The following IQGAP2 variants were observed in gnomAD, a reference collection of about 807,000 sequenced individuals.
IQGAP2 encodes IQ motif containing GTPase activating protein 2.
In IQGAP2, 173 loss-of-function variants were observed where a neutral mutation model predicts 201.3. The observed-to-expected ratio is 0.86, with a 90% CI of 0.76 to 0.98. The LOEUF (loss-of-function observed/expected upper bound fraction) is 0.98. Ranked by LOEUF, IQGAP2 falls within the 50% of genes least tolerant of loss-of-function variation. The pLI is 0.00. For missense variants in IQGAP2, 1,687 were observed against 1,864.8 expected (o/e 0.90, Z 1.76); for synonymous variants, 675 against 673.9 (o/e 1.00, Z -0.03).
At chr5:76,433,087 AAGAATTGTGGGGTACCTGGG>A (rs1752466059) in intron 1 of IQGAP2, among the ~76,000 whole-genome samples, 1 of 152,204 alleles carries the variant, frequency 6.6e-6, no homozygotes, top group South Asian at 2.1e-4. Flanking sequence ...GGAAACTAGC[AAGAATTGTGGGGTACCTGGG>A]AGGTACCCCA....
chr5:76,658,735 C>T (rs1468758027), intron 21 of IQGAP2, 68 bp downstream of exon 21: 14 of 1,307,372 alleles, frequency 1.1e-5, no homozygotes, highest in Middle Eastern at 4.2e-4. Flanking sequence ...TCAAGAGTCA[C>T]TTAATGACAG....
chr5:76,637,243 TGAATCATG>T, intron 16 of IQGAP2, 67 bp downstream of exon 16: 1 of 1,295,374 alleles, frequency 7.7e-7, no homozygotes, highest in South Asian at 1.5e-5. Flanking sequence ...TTTCTATTTC[TGAATCATG>T]GAAGTGATGA....
At chr5:76,538,095 G>A (rs1043533567) in intron 2 of IQGAP2, among the ~76,000 whole-genome samples, 1 of 152,184 alleles carries the variant, frequency 6.6e-6, no homozygotes, top group Non-Finnish European at 1.5e-5. Context: ...GGCTAGGAAG[G>A]CCTCACAATC....
intron 2 of IQGAP2, among the ~76,000 whole-genome samples, chr5:76,504,738 A>G (rs927946312): frequency 6.6e-6 from 1 of 152,194 alleles, no homozygotes; most frequent in Non-Finnish European, 1.5e-5. Context: ...CGTCCTTATC[A>G]TGTGAAGGAC....
Position 76,665,143 on chromosome 5 carries a change from GAAAC to G in IQGAP2, c.2649_2652del (p.Glu883AspfsTer19), listed in dbSNP as rs1743638173. 6.2e-7 allele frequency: 1 copy of G among 1,613,660 alleles called. No individual in the cohort carries two copies. Among genetic ancestry groups the G allele is most frequent in the East Asian group, 2.2e-5 (1 of 44,836 alleles). ...GAGTAAGGAGAGGAGAAAAACACTA[GAAAC>G]ATATCAGCAGCTGTTTTACCTTTTA... On this transcript the variant is annotated frameshift_variant, in exon 22 of 36. Transcript: ENST00000274364. LOFTEE classifies it high-confidence loss of function.
chr5:76,681,089 C>CAAA lies in IQGAP2; in HGVS notation c.3661-2001_3661-1999dup, dbSNP rs34896356. 7.4e-4 allele frequency among the ~76,000 whole-genome samples: 39 copies of CAAA among 52,974 alleles called. 1 individual carries two copies. The highest frequency in any genetic ancestry group is 2.8e-3 in the African/African-American group (35 of 12,298). 34.8% of individuals were successfully genotyped at this position (52,974 alleles called of 152,430 possible). A position where few individuals can be genotyped will look rare whatever the true frequency, so the allele number is the denominator to read the frequency against. Reference sequence around the variant, plus strand: ...TGGGCAGCAGAGCGAGACTTTGTCTCAAAAAAAAAAAAAAAAAAAAAAAAA... The same window carrying CAAA: ...TGGGCAGCAGAGCGAGACTTTGTCTCAAAAAAAAAAAAAAAAAAAAAAAAAAAA... On this transcript the variant is annotated intron_variant, in intron 28 of 35. Transcript: ENST00000274364.
At chr5:76,644,867 A>G (rs2150411046) in intron 17 of IQGAP2, among the ~76,000 whole-genome samples, 1 of 152,318 alleles carries the variant, frequency 6.6e-6, no homozygotes, top group East Asian at 1.9e-4. Flanking sequence ...TTTTATTATT[A>G]TGCTTTAAGT....
intron 2 of IQGAP2, among the ~76,000 whole-genome samples, chr5:76,462,329 G>C (rs1754508040): frequency 6.6e-6 from 1 of 152,214 alleles, no homozygotes; most frequent in South Asian, 2.1e-4. Context: ...GTTTATGACA[G>C]CAATCTCCTC....
intron 2 of IQGAP2, among the ~76,000 whole-genome samples, chr5:76,471,719 AGAGAATCTTCTGACTG>A: frequency 6.8e-6 from 1 of 148,010 alleles, no homozygotes; most frequent in Admixed American, 6.7e-5. Context: ...AAAAAAAAAA[AGAGAATCTTCTGACTG>A]GGGAATACTT....
chr5:76,617,604 G>C (rs755613069), intron 13 of IQGAP2: 1 of 1,612,654 alleles, frequency 6.2e-7, no homozygotes, highest in African/African-American at 1.3e-5. Context: ...GTAAGCAGTG[G>C]AGTGATTTCT....
At position 76,661,801 on chromosome 5, in the gene IQGAP2, C is replaced by T. The variant is rs6888683; in HGVS notation, c.2529+3134C>T. ...CTGCAGATACCCATATCTTTTATGA[C>T]TCCAAAGCCCAAGCCCAAGCCCTTC... is the stretch of plus-strand genomic sequence containing the variant. On this transcript the variant is annotated intron_variant, in intron 21 of 35. Transcript: ENST00000274364. Among the ~76,000 whole-genome samples the T allele has an allele frequency of 8.3e-3, 1,270 of 152,272 alleles. 11 individuals carry two copies. The highest frequency in any genetic ancestry group is 0.028 in the African/African-American group (1,174 of 41,542).
chr5:76,532,523 G>A (rs1759372045), intron 2 of IQGAP2, among the ~76,000 whole-genome samples: 1 of 152,126 alleles, frequency 6.6e-6, no homozygotes, highest in Non-Finnish European at 1.5e-5. Context: ...CTTTGCATAT[G>A]ATATGGTGGT....
chr5:76,660,267 A>T (rs1425075854), intron 21 of IQGAP2: 1 of 152,232 alleles, frequency 6.6e-6, no homozygotes, highest in Non-Finnish European at 1.5e-5. Context: ...ACAGCATTTT[A>T]TAAACAGAAA....
chr5:76,694,831 T>G (rs1466057788), intron 31 of IQGAP2, among the ~76,000 whole-genome samples: 1 of 152,236 alleles, frequency 6.6e-6, no homozygotes, highest in Non-Finnish European at 1.5e-5. Flanking sequence ...TGTTACTGTT[T>G]CCTTGAACAG....
chr5:76,601,534 G>A (rs78062727), intron 11 of IQGAP2, among the ~76,000 whole-genome samples: 4,325 of 152,308 alleles, frequency 0.028, 190 homozygotes, highest in African/African-American at 0.098. Flanking sequence ...TGATAGCATT[G>A]TTATAAAACA....
intron 2 of IQGAP2, among the ~76,000 whole-genome samples, chr5:76,478,323 C>T (rs1161314657): frequency 6.6e-6 from 1 of 152,132 alleles, no homozygotes; most frequent in Non-Finnish European, 1.5e-5. Context: ...ATCACTTGAA[C>T]CCAGGAGGTG....
intron 5 of IQGAP2, among the ~76,000 whole-genome samples, chr5:76,581,613 C>T (rs1430914080): frequency 6.6e-6 from 1 of 152,220 alleles, no homozygotes; most frequent in Non-Finnish European, 1.5e-5. Context: ...CTATGAACCA[C>T]ATCTTGTTAC....
chr5:76,594,332 A>G (rs1746863729), intron 9 of IQGAP2, among the ~76,000 whole-genome samples: 1 of 152,204 alleles, frequency 6.6e-6, no homozygotes, highest in Non-Finnish European at 1.5e-5. Flanking sequence ...TATAACCATG[A>G]AAACAGTTTT....
intron 15 of IQGAP2, among the ~76,000 whole-genome samples, chr5:76,635,517 A>G (rs1751052994): frequency 6.6e-6 from 1 of 152,122 alleles, no homozygotes; most frequent in Non-Finnish European, 1.5e-5. Context: ...TTCTGAAAAC[A>G]TTTATGAATC....
Sources: allele counts gnomAD v4.1 joint callset (sites outside exome capture counted in the v4.1 genomes callset), GRCh38; gene constraint gnomAD v4.1.1; transcripts MANE v1.5; gene names NCBI Gene and HGNC (gene_info 2026-07-23, HGNC 2026-07-21).